SRP68: variants seen among roughly 807,000 people sequenced by gnomAD.
SRP68 encodes signal recognition particle 68.
A neutral mutation model predicts 82.2 loss-of-function variants in SRP68; 15 were observed. The observed-to-expected ratio is 0.18, with a 90% CI of 0.12 to 0.28. The LOEUF (loss-of-function observed/expected upper bound fraction) is 0.28. SRP68 is among the 10% of genes least tolerant of loss of function. The probability of loss-of-function intolerance (pLI) is 1.00; values close to 1 mark genes in which losing one functional copy is unlikely to be tolerated. For synonymous variants in SRP68, 261 were observed against 292.6 expected, an observed-to-expected ratio of 0.89 and a Z score of 1.10; for missense variants, 595 against 780.5, an observed-to-expected ratio of 0.76 and a Z score of 2.83.
intron 10 of SRP68, among the ~76,000 whole-genome samples, 163 bp from the exon 11 acceptor site, chr17:76,046,357 T>G (rs2066630698): frequency 6.6e-6 from 1 of 151,808 alleles, no homozygotes; most frequent in South Asian, 2.1e-4. Flanking sequence ...TCCATTTGGC[T>G]ACTATCCAGT....
Position 76,039,001 on chromosome 17 carries a change from G to GT in SRP68, c.*704dup, listed in dbSNP as rs1319661605. ...TGGCATCAGCCTCACCTAGTTGCCG[G>GT]TAAGTCAGGTTACACTTGACCTCAC... is the stretch of plus-strand genomic sequence containing the variant. On this transcript the variant is annotated 3_prime_UTR_variant, in exon 16 of 16. Coordinates refer to ENST00000307877, the MANE Select transcript of SRP68 (RefSeq NM_014230.4). The GT allele has an allele frequency of 2.9e-5, 5 of 172,296 alleles. No individual in the cohort carries two copies. The highest frequency in any genetic ancestry group is 3.8e-5 in the Non-Finnish European group (3 of 79,048). 10.7% of individuals were successfully genotyped at this position (172,296 alleles called of 1,614,324 possible).
chr17:76,072,003 T>C lies in SRP68; in HGVS notation c.184+305A>G. 2.0e-6 allele frequency: 1 copy of C among 499,020 alleles called. No homozygotes were observed. Among genetic ancestry groups the C allele is most frequent in the Non-Finnish European group, 3.5e-6 (1 of 284,202 alleles). The allele number at this position is 499,020 out of a possible 1,614,324, so 30.9% of individuals were successfully genotyped here. A position where few individuals can be genotyped will look rare whatever the true frequency, so the allele number is the denominator to read the frequency against. Reference sequence around the variant, plus strand: ...GGCTCAAGGTGCCAAAGCAAGGTGCTCAAGGTGTCACTTGGTCACAAGCCC... The same window carrying C: ...GGCTCAAGGTGCCAAAGCAAGGTGCCCAAGGTGTCACTTGGTCACAAGCCC... On this transcript the variant is annotated intron_variant, in intron 1 of 15. Coordinates refer to ENST00000307877, the MANE Select transcript of SRP68 (RefSeq NM_014230.4). This position sits in a 1 kb window ranked among gnomAD's most constrained non-coding sequence, Gnocchi z 4.5.
rs761404186 is a variant in SRP68, at chr17:76,043,880, T to C, written c.1473A>G (p.Lys491=). Residue 491 remains lysine (K), a synonymous_variant, in exon 13 of 16, where the codon AAA becomes AAG. Transcript: ENST00000307877. ...EALVLYDRVL[K]YANEVNSDAG... ...CATCAGAATTTACTTCATTTGCATA[T>C]TTCAGGACTCTGTCATACAGGACAA... The C allele has an allele frequency of 1.2e-6, 2 of 1,612,048 alleles. No individual in the cohort carries two copies. Among genetic ancestry groups the C allele is most frequent in the Non-Finnish European group, 1.7e-6 (2 of 1,179,506 alleles).
chr17:76,070,060 G>C (rs1250259110), intron 2 of SRP68, among the ~76,000 whole-genome samples: 1 of 151,514 alleles, frequency 6.6e-6, no homozygotes, highest in Non-Finnish European at 1.5e-5. Flanking sequence ...CTGGGTGACA[G>C]AGTGAGACTC....
intron 11 of SRP68, 92 bp from the exon 12 acceptor site, chr17:76,045,478 GAA>G: frequency 5.0e-6 from 4 of 792,144 alleles, no homozygotes; most frequent in East Asian, 2.9e-5. Flanking sequence ...CAAGAGTGAG[GAA>G]AAAAAAAAGC....
chr17:76,057,506 G>A lies in SRP68; in HGVS notation c.875C>T (p.Thr292Ile). Residue 292 changes from threonine to isoleucine, a missense_variant, in exon 8 of 16, where the codon ACC becomes ATC. By Grantham distance (89) the Thr-to-Ile change is moderately conservative. Coordinates refer to ENST00000307877, the MANE Select transcript of SRP68 (RefSeq NM_014230.4). ...CCCTCTCCACTCCACTTCACTCATG[G>A]TAGCTGCCTGTTTGGCTCGAGTCTG... Reference protein sequence around the residue: ...ITQTRAKQAATMSEVEWRGRT... With the variant: ...ITQTRAKQAAIMSEVEWRGRT... 6.2e-7 allele frequency: 1 copy of A among 1,614,146 alleles called. No homozygotes were observed. Among genetic ancestry groups the A allele is most frequent in the Non-Finnish European group, 8.5e-7 (1 of 1,180,030 alleles).
intron 8 of SRP68, among the ~76,000 whole-genome samples, chr17:76,052,990 G>C (rs1392223698): frequency 6.6e-6 from 1 of 151,414 alleles, no homozygotes; most frequent in Non-Finnish European, 1.5e-5. Flanking sequence ...CGTCGGACGC[G>C]GTGGCTCACG....
rs112429022 is a variant in SRP68 at position 76,052,260 on chromosome 17, T to C, written c.979-1734A>G. ...CTGGACAGTGCAGCACTGGAGCACA[T>C]GCTTTATAGAATATTGTTGGCCGAC... On this transcript the variant is annotated intron_variant, in intron 8 of 15. Transcript: ENST00000307877. 1.3e-5 allele frequency among the ~76,000 whole-genome samples: 2 copies of C among 152,180 alleles called. 1 individual carries two copies.
In SRP68 at chr17:76,047,980, G is replaced by C; in HGVS notation, c.1078-10C>G. The C allele has an allele frequency of 1.9e-6, 3 of 1,561,278 alleles. No homozygotes were observed. Among genetic ancestry groups the C allele is most frequent in the Non-Finnish European group, 2.6e-6 (3 of 1,149,732 alleles). On this transcript the variant is annotated splice_polypyrimidine_tract_variant and intron_variant, in intron 9 of 15. Transcript: ENST00000307877. ...TATAATCTCTCTGTTTCTGCAGAAA[G>C]TGAAAAAGGTAAAAAGTAAAGCAAC...
chr17:76,064,560 C>A lies in SRP68; in HGVS notation c.366-389G>T, dbSNP rs373960735. On this transcript the variant is annotated intron_variant, in intron 3 of 15. Transcript: ENST00000307877. ...AAAGTCCTTAAGAGGCAGTATATTG[C>A]CTAGGTGCGGTGGTTCACACCTATA... 1.4e-3 allele frequency among the ~76,000 whole-genome samples: 213 copies of A among 152,092 alleles called. 1 individual carries two copies. Among genetic ancestry groups the A allele is most frequent in the African/African-American group, 4.9e-3 (203 of 41,478 alleles).
chr17:76,040,600 A>G, intron 14 of SRP68, 126 bp from the exon 15 acceptor site: 1 of 916,710 alleles, frequency 1.1e-6, no homozygotes, highest in Non-Finnish European at 1.8e-6. Flanking sequence ...TGGGGAAGCC[A>G]GGCCTGTCTC....
intron 14 of SRP68, 130 bp downstream of exon 14, chr17:76,040,773 A>G: frequency 1.1e-6 from 1 of 882,648 alleles, no homozygotes; most frequent in Non-Finnish European, 1.8e-6. Flanking sequence ...GCACAAGTAA[A>G]GGCCAGGAAC....
At chr17:76,060,125 CAAAAAAAAA>C (rs1168111688) in intron 7 of SRP68, among the ~76,000 whole-genome samples, 174 bp downstream of exon 7, 80 of 28,792 alleles carry the variant, frequency 2.8e-3, no homozygotes, top group Non-Finnish European at 5.4e-3. Context: ...GACTCCATCT[CAAAAAAAAA>C]AAAAAAAAAA....
intron 8 of SRP68, among the ~76,000 whole-genome samples, chr17:76,055,652 G>T (rs1170545178): frequency 6.6e-6 from 1 of 151,728 alleles, no homozygotes; most frequent in Admixed American, 6.6e-5. Flanking sequence ...TACTCTGGAG[G>T]CTGAGGCAGG....
In SRP68 at chr17:76,040,488, A is replaced by G; in HGVS notation, c.1601-14T>C. The G allele has an allele frequency of 1.9e-6, 3 of 1,613,008 alleles. No homozygotes were observed. The highest frequency in any genetic ancestry group is 2.2e-5 in the East Asian group (1 of 44,880). On this transcript the variant is annotated splice_polypyrimidine_tract_variant and intron_variant, in intron 14 of 15. Transcript: ENST00000307877. The stretch of plus-strand genomic sequence containing the variant: ...CGTCGTTTGCATCTGAAAGTTTCAC[A>G]GGGATTCAGTAAGAACAAGGATTTA...
In SRP68 at chr17:76,043,904, A is replaced by T. The variant is rs1055354851; in HGVS notation, c.1449T>A (p.Leu483=). 1 of 1,611,664 alleles carries T rather than the reference A, an allele frequency of 6.2e-7. No individual in the cohort carries two copies. Among genetic ancestry groups the T allele is most frequent in the East Asian group, 2.2e-5 (1 of 44,768 alleles). The change falls in exon 13 of 16, where the codon CTT becomes CTA. Residue 483 remains leucine, a synonymous_variant. Transcript: ENST00000307877. ...YVLVKKWSEA[L]VLYDRVLKYA... ...ATTTCAGGACTCTGTCATACAGGACAAGGGCTTCGCTCCACTTCTTCACCA... is the reference window on the plus strand; with the variant it reads ...ATTTCAGGACTCTGTCATACAGGACTAGGGCTTCGCTCCACTTCTTCACCA...
At position 76,064,245 on chromosome 17, in the gene SRP68, C is replaced by T. The variant is rs1210385745; in HGVS notation, c.366-74G>A. 17 of 1,340,634 alleles carry T rather than the reference C, an allele frequency of 1.3e-5. No homozygotes were observed. The South Asian group carries it at 1.6e-4, about 13-fold the overall frequency. The allele number at this position is 1,340,634 out of a possible 1,614,324, so 83.0% of individuals were successfully genotyped here. A position where few individuals can be genotyped will look rare whatever the true frequency, so the allele number is the denominator to read the frequency against. On this transcript the variant is annotated intron_variant, in intron 3 of 15. Transcript: ENST00000307877. The stretch of plus-strand genomic sequence containing the variant: ...CAGATATTCTCTGAGGTGTAATCTT[C>T]GGCTTCTCGGCTTTTCTTTATACTC...
chr17:76,061,534 T>C lies in SRP68; in HGVS notation c.602A>G (p.His201Arg), dbSNP rs904537990. ...CTCAATGGCAGCTTTCCATTCTTGA[T>C]GTTCAAAACGTAGCATTCCTGAGAG... ...AYLSGMLRFEHQEWKAAIEAF... is the reference protein window; with the variant it reads ...AYLSGMLRFERQEWKAAIEAF... Residue 201 changes from histidine to arginine, a missense_variant, in exon 5 of 16, where the codon CAT becomes CGT. Around this residue, in one of 2 missense-constraint regions of SRP68, gnomAD observed 495 missense variants for 688.6 expected, o/e 0.72. Transcript: ENST00000307877. The C allele has an allele frequency of 2.5e-6, 4 of 1,613,970 alleles. No individual in the cohort carries two copies. The Admixed American group carries it at 6.7e-5, about 27-fold the overall frequency.
intron 9 of SRP68, chr17:76,049,208 C>T (rs969403119): frequency 5.9e-5 from 9 of 151,942 alleles, no homozygotes; most frequent in South Asian, 2.1e-4. Context: ...TTATGTTTAA[C>T]GTTTTTTACC....
Sources: gnomAD v4.1 joint callset for allele counts (sites outside exome capture counted in the v4.1 genomes callset) on GRCh38, gnomAD v4.1.1 for gene constraint, gnomAD v4.1.1 regional missense constraint, Gnocchi (gnomAD v3.1) non-coding constraint, MANE v1.5 for transcripts, NCBI Gene and HGNC (gene_info 2026-07-23, HGNC 2026-07-21) for gene names.